The following TDRD3 variants were observed in gnomAD, a reference collection of about 807,000 sequenced individuals.
TDRD3 encodes tudor domain containing 3.
Under a neutral mutation model 86.7 loss-of-function variants are expected in TDRD3, and 45 were observed. The observed-to-expected ratio is 0.52, with a 90% CI of 0.41 to 0.67. The LOEUF (loss-of-function observed/expected upper bound fraction) is 0.67, where lower values mean the gene tolerates loss of function less well. TDRD3 is among the 30% of genes least tolerant of loss of function. The probability of loss-of-function intolerance (pLI) is 0.00; values close to 1 mark genes in which losing one functional copy is unlikely to be tolerated. For synonymous variants in TDRD3, 298 were observed against 301.7 expected (o/e 0.99, Z 0.13); for missense variants, 814 against 889.0 (o/e 0.92, Z 1.07).
At chr13:60,513,843 T>TG (rs1194941945) in intron 10 of TDRD3, among the ~76,000 whole-genome samples, 2 of 152,146 alleles carry the variant, frequency 1.3e-5, no homozygotes, top group African/African-American at 4.8e-5. Context: ...CTCTTTTTCC[T>TG]GTATAAATTA....
chr13:60,573,456 G>A (rs1222232870), intron 13 of TDRD3, among the ~76,000 whole-genome samples, 160 bp from the exon 14 acceptor site: 1 of 152,022 alleles, frequency 6.6e-6, no homozygotes, highest in Non-Finnish European at 1.5e-5. Flanking sequence ...GCTTTATAAA[G>A]ATTGTTTACA....
intron 12 of TDRD3, among the ~76,000 whole-genome samples, chr13:60,539,414 T>A (rs1320108555): frequency 6.6e-6 from 1 of 152,074 alleles, no homozygotes; most frequent in African/African-American, 2.4e-5. Flanking sequence ...GAAGTTTTAA[T>A]TTAAATAATT....
intron 1 of TDRD3, among the ~76,000 whole-genome samples, chr13:60,426,881 A>G (rs1954825881): frequency 6.6e-6 from 1 of 152,218 alleles, no homozygotes; most frequent in Non-Finnish European, 1.5e-5. Flanking sequence ...CCTTAATGGT[A>G]TTGCCGACTA....
At chr13:60,421,783 T>A (rs1025629280) in intron 1 of TDRD3, among the ~76,000 whole-genome samples, 4 of 152,112 alleles carry the variant, frequency 2.6e-5, no homozygotes, top group Non-Finnish European at 5.9e-5. Flanking sequence ...GTCCCACTTG[T>A]GGGGCTTTGG....
intron 13 of TDRD3, among the ~76,000 whole-genome samples, chr13:60,568,173 G>T (rs1005859735): frequency 6.6e-6 from 1 of 152,176 alleles, no homozygotes; most frequent in African/African-American, 2.4e-5. Context: ...CATCCTAAGT[G>T]AAGAAATTTT....
chr13:60,405,946 G>T (rs1255816833), intron 1 of TDRD3, among the ~76,000 whole-genome samples: 3 of 152,152 alleles, frequency 2.0e-5, no homozygotes, highest in Non-Finnish European at 2.9e-5. Flanking sequence ...TGACAGATTG[G>T]ACATGAATGT....
intron 5 of TDRD3, among the ~76,000 whole-genome samples, chr13:60,473,625 A>G (rs1251006736): frequency 6.6e-6 from 1 of 152,228 alleles, no homozygotes; most frequent in Non-Finnish European, 1.5e-5. Flanking sequence ...CTTTATTCCA[A>G]TATTATAATA....
At chr13:60,539,891 T>G (rs1957773348) in intron 12 of TDRD3, among the ~76,000 whole-genome samples, 1 of 152,036 alleles carries the variant, frequency 6.6e-6, no homozygotes, top group Non-Finnish European at 1.5e-5. Context: ...AATGGCATAG[T>G]TATAAAATTA....
intron 11 of TDRD3, among the ~76,000 whole-genome samples, chr13:60,530,664 A>G (rs1206199389): frequency 6.7e-6 from 1 of 150,050 alleles, no homozygotes. Context: ...CATGTTGGCC[A>G]GGCTGGTTTT....
chr13:60,527,616 A>G (rs1281029766), intron 10 of TDRD3, among the ~76,000 whole-genome samples: 1 of 152,180 alleles, frequency 6.6e-6, no homozygotes, highest in Non-Finnish European at 1.5e-5. Context: ...AAAAATCACT[A>G]TGTGAAATAC....
At chr13:60,544,371 G>A (rs1957887122) in intron 12 of TDRD3, among the ~76,000 whole-genome samples, 1 of 150,560 alleles carries the variant, frequency 6.6e-6, no homozygotes, top group Admixed American at 6.7e-5. Context: ...CTGAGCTCAG[G>A]ACTTCAAGCT....
intron 5 of TDRD3, among the ~76,000 whole-genome samples, chr13:60,473,686 G>A (rs1269246569): frequency 6.6e-6 from 1 of 152,154 alleles, no homozygotes; most frequent in East Asian, 1.9e-4. Flanking sequence ...TACAGAGATA[G>A]GAGCTGAAGG....
intron 12 of TDRD3, among the ~76,000 whole-genome samples, chr13:60,546,298 T>G (rs1391226235): frequency 2.6e-5 from 4 of 152,126 alleles, no homozygotes; most frequent in Non-Finnish European, 5.9e-5. Context: ...GTTGTATTCT[T>G]TAGAAATTAG....
intron 8 of TDRD3, among the ~76,000 whole-genome samples, chr13:60,500,714 G>A (rs1956812633): frequency 6.6e-6 from 1 of 152,244 alleles, no homozygotes; most frequent in Non-Finnish European, 1.5e-5. Flanking sequence ...GGACTTGGAA[G>A]AAGCATGATT....
At chr13:60,460,762 T>C (rs1955785068) in intron 4 of TDRD3, 1 of 339,390 alleles carries the variant, frequency 2.9e-6, no homozygotes, top group East Asian at 6.9e-5. Flanking sequence ...CCCAGCACTT[T>C]GGGAGGCCAA....
At chr13:60,490,404 A>G (rs1956559690) in intron 7 of TDRD3, among the ~76,000 whole-genome samples, 1 of 152,186 alleles carries the variant, frequency 6.6e-6, no homozygotes, top group African/African-American at 2.4e-5. Context: ...GCACAGAGAA[A>G]CAGCGGAGTG....
Position 60,528,565 on chromosome 13 carries a change from G to A in TDRD3, c.1340G>A (p.Arg447Lys). The A allele has an allele frequency of 6.2e-7, 1 of 1,614,006 alleles. No individual in the cohort carries two copies. The highest frequency in any genetic ancestry group is 8.5e-7 in the Non-Finnish European group (1 of 1,179,944). The change falls in exon 11 of 14, where the codon AGA becomes AAA. Residue 447 changes from arginine (R) to lysine (K), a missense_variant. Transcript: ENST00000377881. Reference sequence around the variant, plus strand: ...GTTTTAGAAGGCAGTGGATTACCTAGAAATAGAGGTTCTGAAAGACCAAGT... The same window carrying A: ...GTTTTAGAAGGCAGTGGATTACCTAAAAATAGAGGTTCTGAAAGACCAAGT... ...KSVLEGSGLP[R>K]NRGSERPSTS...
At chr13:60,435,439 G>A (rs1351727086) in intron 1 of TDRD3, among the ~76,000 whole-genome samples, 1 of 152,076 alleles carries the variant, frequency 6.6e-6, no homozygotes, top group Non-Finnish European at 1.5e-5. Flanking sequence ...CCCCAGTAGA[G>A]TCCCCAAAGT....
chr13:60,560,990 G>C (rs1958319194), intron 12 of TDRD3, among the ~76,000 whole-genome samples: 1 of 152,086 alleles, frequency 6.6e-6, no homozygotes, highest in South Asian at 2.1e-4. Flanking sequence ...TGTGCTGGAT[G>C]AGGTACATAA....
Sources: gnomAD v4.1 joint callset for allele counts (sites outside exome capture counted in the v4.1 genomes callset) on GRCh38, gnomAD v4.1.1 for gene constraint, MANE v1.5 for transcripts, NCBI Gene and HGNC (gene_info 2026-07-23, HGNC 2026-07-21) for gene names.